Variants in PKNOX2 observed in about 807,000 individuals in gnomAD.
PKNOX2 encodes homeobox protein PKNOX2.
PKNOX2 carries 14 observed loss-of-function variants against 53.1 expected under a neutral mutation model. The ratio of observed to expected loss-of-function variants is 0.26; its 90% confidence interval spans 0.17 to 0.41. The LOEUF (loss-of-function observed/expected upper bound fraction) is 0.41, where lower values mean the gene tolerates loss of function less well. PKNOX2 is among the 10% of genes least tolerant of loss of function. The pLI is 1.00. For missense variants in PKNOX2, 496 were observed against 602.8 expected, an observed-to-expected ratio of 0.82 and a Z score of 1.85; for synonymous variants, 257 against 242.8, an observed-to-expected ratio of 1.06 and a Z score of -0.54.
chr11:125,378,197 C>T (rs933770746), intron 5 of PKNOX2, among the ~76,000 whole-genome samples: 5 of 152,310 alleles, frequency 3.3e-5, no homozygotes, highest in African/African-American at 1.2e-4. Context: ...TCTGGAAAGG[C>T]GAACTTTTAG....
intron 1 of PKNOX2, among the ~76,000 whole-genome samples, chr11:125,195,290 G>A (rs943046063): frequency 7.2e-5 from 11 of 152,206 alleles, no homozygotes; most frequent in African/African-American, 2.7e-4. Flanking sequence ...TGGTCTTTCT[G>A]TTGTGCCTTT....
intron 1 of PKNOX2, chr11:125,191,516 G>A (rs2135348073): frequency 6.6e-6 from 1 of 152,392 alleles, no homozygotes; most frequent in East Asian, 1.9e-4. Context: ...TGGTGGGGGT[G>A]GCGGGTCAGG....
chr11:125,368,021 C>T (rs1003028432), intron 5 of PKNOX2, 36 bp downstream of exon 5: 1 of 1,595,248 alleles, frequency 6.3e-7, no homozygotes, highest in African/African-American at 1.3e-5. Context: ...CAGCCCTCAA[C>T]CAGCTTCAGG....
intron 1 of PKNOX2, among the ~76,000 whole-genome samples, chr11:125,169,605 TG>T (rs1955135078): frequency 6.6e-6 from 1 of 152,158 alleles, no homozygotes; most frequent in African/African-American, 2.4e-5. Flanking sequence ...TTCTGGGCCT[TG>T]GTTTCTTCAT....
chr11:125,402,586 T>C (rs1054542148), intron 7 of PKNOX2, among the ~76,000 whole-genome samples: 6 of 152,188 alleles, frequency 3.9e-5, no homozygotes, highest in African/African-American at 1.4e-4. Context: ...CAAGCCATTG[T>C]CCAAGAGGAG....
intron 6 of PKNOX2, among the ~76,000 whole-genome samples, chr11:125,386,727 C>T (rs950477717): frequency 2.0e-5 from 3 of 151,564 alleles, no homozygotes; most frequent in African/African-American, 7.3e-5. Context: ...CACACACACA[C>T]ACACACACAC....
At chr11:125,359,095 AGACACCATCGGAAAGGCAGGAAGGTG>A (rs1311473324) in intron 4 of PKNOX2, among the ~76,000 whole-genome samples, 153 of 145,888 alleles carry the variant, frequency 1.0e-3, no homozygotes, top group East Asian at 2.9e-3. Flanking sequence ...GCAGGAAGGT[AGACACCATCGGAAAGGCAGGAAGGTG>A]GACACCATCG....
At chr11:125,295,096 G>A (rs1037388573) in intron 2 of PKNOX2, among the ~76,000 whole-genome samples, 1 of 152,230 alleles carries the variant, frequency 6.6e-6, no homozygotes, top group African/African-American at 2.4e-5. Context: ...GTGTGGTGCT[G>A]CAGACATTCA....
chr11:125,278,625 C>T (rs987001703), intron 2 of PKNOX2, among the ~76,000 whole-genome samples: 3 of 150,458 alleles, frequency 2.0e-5, no homozygotes, highest in African/African-American at 5.0e-5. Flanking sequence ...AGTTGAAGAC[C>T]GAGGGAGGGG....
chr11:125,431,153 C>T lies in PKNOX2; in HGVS notation c.1193-13C>T. The stretch of plus-strand genomic sequence containing the variant: ...AGCCCCTGCCTCGTCCTGACCCTTG[C>T]TTTCTCTCGCAGGTTCCATCAACTT... On this transcript the variant is annotated splice_polypyrimidine_tract_variant and intron_variant, in intron 12 of 12. Transcript: ENST00000298282. The T allele has an allele frequency of 6.2e-7, 1 of 1,612,180 alleles. No individual in the cohort carries two copies. The highest frequency in any genetic ancestry group is 2.2e-5 in the East Asian group (1 of 44,852).
At chr11:125,399,265 C>G (rs865962103) in intron 7 of PKNOX2, among the ~76,000 whole-genome samples, 1 of 152,246 alleles carries the variant, frequency 6.6e-6, no homozygotes, top group Non-Finnish European at 1.5e-5. Context: ...TAAAAACACC[C>G]GCCCGGGCTT....
rs183578241 is a variant in PKNOX2 at position 125,404,781 on chromosome 11, A to T, written c.589-5415A>T. Among the ~76,000 whole-genome samples, 444 of 152,304 alleles carry T rather than the reference A, an allele frequency of 2.9e-3. 2 individuals are homozygous for T. The highest frequency in any genetic ancestry group is 0.011 in the South Asian group (51 of 4,816). On this transcript the variant is annotated intron_variant, in intron 7 of 12. Transcript: ENST00000298282. The stretch of plus-strand genomic sequence containing the variant: ...AGAAAGACCCCTCTTTCCCTCAAAA[A>T]GCCTGCCACCAAGCTAGGGAAAGAC...
At chr11:125,206,192 G>T (rs141682027) in intron 1 of PKNOX2, among the ~76,000 whole-genome samples, 3 of 151,974 alleles carry the variant, frequency 2.0e-5, no homozygotes, top group African/African-American at 7.3e-5. Flanking sequence ...GTGGGCGGTG[G>T]GGGGGAGAAC....
rs74486312 is a variant in PKNOX2 at position 125,357,478 on chromosome 11, A to G, written c.87+6086A>G. Among the ~76,000 whole-genome samples, 361 of 152,142 alleles carry G rather than the reference A, an allele frequency of 2.4e-3. 7 individuals carry two copies. In the East Asian group the frequency reaches 0.04, roughly 17 times the overall value. ...ACCAAAAACAGAGATTTTATTGTCT[A>G]CTCCCTTGTCCCCAAGCAGAACGAA... On this transcript the variant is annotated intron_variant, in intron 4 of 12. Transcript: ENST00000298282.
intron 3 of PKNOX2, among the ~76,000 whole-genome samples, chr11:125,332,964 G>A (rs538857686): frequency 2.6e-5 from 4 of 152,162 alleles, no homozygotes; most frequent in Non-Finnish European, 2.9e-5. Flanking sequence ...ATGAGGGGTG[G>A]GTGGCATGGG....
chr11:125,269,055 TG>T (rs1945580256), intron 2 of PKNOX2, among the ~76,000 whole-genome samples: 2 of 152,222 alleles, frequency 1.3e-5, no homozygotes, highest in Admixed American at 6.5e-5. Context: ...GACCACAAAG[TG>T]TCTCATGGGA....
At chr11:125,412,333 G>C (rs1204115217) in intron 10 of PKNOX2, among the ~76,000 whole-genome samples, 1 of 152,188 alleles carries the variant, frequency 6.6e-6, no homozygotes, top group African/African-American at 2.4e-5. Flanking sequence ...GTGTGGTGGA[G>C]ATGGGCGCCA....
chr11:125,217,471 C>G (rs547270594), intron 1 of PKNOX2, among the ~76,000 whole-genome samples: 2 of 152,320 alleles, frequency 1.3e-5, no homozygotes, highest in South Asian at 4.1e-4. Flanking sequence ...GTTAACTCCT[C>G]TAAGCCTCAC....
At chr11:125,423,268 C>G (rs1005974980) in intron 10 of PKNOX2, among the ~76,000 whole-genome samples, 1 of 152,208 alleles carries the variant, frequency 6.6e-6, no homozygotes, top group African/African-American at 2.4e-5. Context: ...TCCGTGTTCT[C>G]ACGTACTTCT....
Sources: gnomAD v4.1 joint callset for allele counts (sites outside exome capture counted in the v4.1 genomes callset) on GRCh38, gnomAD v4.1.1 for gene constraint, MANE v1.5 for transcripts, NCBI Gene and HGNC (gene_info 2026-07-23, HGNC 2026-07-21) for gene names.